The following SPICE1 variants were observed in gnomAD, a reference collection of about 807,000 sequenced individuals.
SPICE1 encodes the protein spindle and centriole associated protein 1.
Under a neutral mutation model 102.7 loss-of-function variants are expected in SPICE1, and 75 were observed. The ratio of observed to expected loss-of-function variants is 0.73; its 90% CI spans 0.61 to 0.88. The LOEUF (loss-of-function observed/expected upper bound fraction) is 0.88. Among genes scored for constraint, SPICE1 ranks in the 40% least tolerant of loss-of-function variants. The pLI is 0.00. For synonymous variants in SPICE1, 308 were observed against 350.3 expected (o/e 0.88, Z 1.35); for missense variants, 979 against 1,020.1 (o/e 0.96, Z 0.55).
intron 10 of SPICE1, among the ~76,000 whole-genome samples, chr3:113,467,657 C>G (rs1936092236): frequency 6.6e-6 from 1 of 152,158 alleles, no homozygotes; most frequent in Non-Finnish European, 1.5e-5. Flanking sequence ...AAACATCTCC[C>G]ACTTAGACAT....
chr3:113,506,714 G>A (rs1255262203), intron 1 of SPICE1, 109 bp from the exon 2 acceptor site: 12 of 797,320 alleles, frequency 1.5e-5, no homozygotes, highest in Non-Finnish European at 1.8e-5. Context: ...AATGCCAGAA[G>A]AAAAATTTAA....
At chr3:113,493,562 G>C (rs1055261246) in intron 5 of SPICE1, among the ~76,000 whole-genome samples, 2 of 152,126 alleles carry the variant, frequency 1.3e-5, no homozygotes, top group African/African-American at 4.8e-5. Flanking sequence ...CAGACATTAA[G>C]TAACTAGCCC....
In SPICE1 at chr3:113,499,588, C is replaced by G; in HGVS notation, c.148-6G>C. The G allele has an allele frequency of 1.9e-6, 3 of 1,593,018 alleles. No homozygotes were observed. Among genetic ancestry groups the G allele is most frequent in the Non-Finnish European group, 2.6e-6 (3 of 1,171,372 alleles). On this transcript the variant is annotated splice_region_variant and splice_polypyrimidine_tract_variant and intron_variant, in intron 3 of 17. Transcript: ENST00000295872. Reference sequence around the variant, plus strand: ...TGTATTTCATGACGGCGTACCTATACAGAAGAGAAAAGTACATAAAGGAAT... The same window carrying G: ...TGTATTTCATGACGGCGTACCTATAGAGAAGAGAAAAGTACATAAAGGAAT...
intron 7 of SPICE1, among the ~76,000 whole-genome samples, chr3:113,488,688 A>G (rs929233909): frequency 1.4e-4 from 22 of 152,230 alleles, no homozygotes; most frequent in African/African-American, 4.6e-4. Flanking sequence ...ATGTGCATGC[A>G]TGCATGTGTG....
intron 1 of SPICE1, among the ~76,000 whole-genome samples, chr3:113,509,734 A>G (rs1021692033): frequency 2.6e-5 from 4 of 152,186 alleles, no homozygotes; most frequent in African/African-American, 9.7e-5. Flanking sequence ...CCCAAATCTC[A>G]TCTCGAATTG....
chr3:113,446,553 C>T lies in SPICE1; in HGVS notation c.2514+36G>A, dbSNP rs756723383. The stretch of plus-strand genomic sequence containing the variant: ...AAATCAGCCACCTTCTACCCTCACC[C>T]CTATATGCATTTCACAATTACATTT... On this transcript the variant is annotated intron_variant, in intron 17 of 17. Transcript: ENST00000295872. The T allele has an allele frequency of 5.4e-6, 8 of 1,480,912 alleles. No homozygotes were observed. In the East Asian group the frequency reaches 1.8e-4, roughly 34 times the overall value. The allele number at this position is 1,480,912 out of a possible 1,614,324, so 91.7% of individuals were successfully genotyped here.
At chr3:113,459,067 T>C (rs1257695338) in intron 12 of SPICE1, among the ~76,000 whole-genome samples, 2 of 152,214 alleles carry the variant, frequency 1.3e-5, no homozygotes, top group Non-Finnish European at 2.9e-5. Context: ...TTTTGTTCTG[T>C]ACTAAGAAAA....
chr3:113,480,087 G>T (rs1207657632), intron 7 of SPICE1, among the ~76,000 whole-genome samples: 1 of 152,014 alleles, frequency 6.6e-6, no homozygotes, highest in Admixed American at 6.6e-5. Context: ...AGAGATTATT[G>T]GCACATCTCT....
At chr3:113,448,936 A>G (rs995006608) in intron 15 of SPICE1, 2 of 152,192 alleles carry the variant, frequency 1.3e-5, no homozygotes, top group African/African-American at 2.4e-5. Context: ...CTTTAGAGAT[A>G]AATCACTGGA....
intron 3 of SPICE1, among the ~76,000 whole-genome samples, chr3:113,501,046 C>CT (rs1936998326): frequency 6.6e-6 from 1 of 152,144 alleles, no homozygotes; most frequent in African/African-American, 2.4e-5. Context: ...CAATGTGGTA[C>CT]TGGCATAAGG....
rs571680551 is a variant in SPICE1 at position 113,510,355 on chromosome 3, T to G, written c.1-3750A>C. Among the ~76,000 whole-genome samples, 345 of 152,320 alleles carry G rather than the reference T, an allele frequency of 2.3e-3. 3 individuals are homozygous for G. The highest frequency in any genetic ancestry group is 7.9e-3 in the African/African-American group (329 of 41,580). ...AAGAACAAAGTTGGAGGCATCATGC[T>G]ACCCTACTTCAAACTATACTACAAG... On this transcript the variant is annotated intron_variant, in intron 1 of 17. Coordinates refer to ENST00000295872, the MANE Select transcript of SPICE1 (RefSeq NM_144718.4).
intron 12 of SPICE1, among the ~76,000 whole-genome samples, chr3:113,458,424 G>A (rs934091416): frequency 1.3e-5 from 2 of 152,222 alleles, no homozygotes; most frequent in African/African-American, 4.8e-5. Context: ...GTGTTGGCCG[G>A]GCTGGTCTCC....
chr3:113,466,052 A>G (rs948588814), intron 10 of SPICE1, among the ~76,000 whole-genome samples: 2 of 152,238 alleles, frequency 1.3e-5, no homozygotes, highest in African/African-American at 2.4e-5. Flanking sequence ...GTAGAGGGAT[A>G]TACATATACA....
At chr3:113,472,451 C>T (rs1576631736) in intron 7 of SPICE1, among the ~76,000 whole-genome samples, 1 of 152,206 alleles carries the variant, frequency 6.6e-6, no homozygotes, top group Non-Finnish European at 1.5e-5. Flanking sequence ...CAGCACGCAG[C>T]TGGAGATCTG....
At chr3:113,474,516 A>G (rs557976462) in intron 7 of SPICE1, among the ~76,000 whole-genome samples, 51 of 152,282 alleles carry the variant, frequency 3.3e-4, no homozygotes, top group African/African-American at 1.2e-3. Context: ...CACCTATTCC[A>G]AAATTGACCA....
chr3:113,468,125 C>T lies in SPICE1; in HGVS notation c.1155+14G>A, dbSNP rs775973208. On this transcript the variant is annotated intron_variant, in intron 10 of 17. Coordinates refer to ENST00000295872, the MANE Select transcript of SPICE1 (RefSeq NM_144718.4). ...CTGCCTGAAAAGAAGACTCTACTAA[C>T]CTAATGTCCTTACCTCTTTAAGGTA... 3 of 1,612,802 alleles carry T rather than the reference C, an allele frequency of 1.9e-6. No individual in the cohort carries two copies. The highest frequency in any genetic ancestry group is 2.5e-6 in the Non-Finnish European group (3 of 1,179,242).
Position 113,460,615 on chromosome 3 carries a change from A to G in SPICE1, c.1435+2T>C. ...AGTCTGAGAGAGTAAGACCACACTCACCTGGACTGTCCATAACTCTTCTAC... is the reference window on the plus strand; with the variant it reads ...AGTCTGAGAGAGTAAGACCACACTCGCCTGGACTGTCCATAACTCTTCTAC... On this transcript the variant is annotated splice_donor_variant, in intron 12 of 17. Coordinates refer to ENST00000295872, the MANE Select transcript of SPICE1 (RefSeq NM_144718.4). LOFTEE classifies it high-confidence loss of function. The G allele has an allele frequency of 6.2e-7, 1 of 1,608,378 alleles. No homozygotes were observed. The highest frequency in any genetic ancestry group is 8.5e-7 in the Non-Finnish European group (1 of 1,177,362).
At chr3:113,506,237 C>T (rs1383542414) in intron 2 of SPICE1, among the ~76,000 whole-genome samples, 3 of 152,160 alleles carry the variant, frequency 2.0e-5, no homozygotes, top group Non-Finnish European at 2.9e-5. Context: ...AGTGAAAAGA[C>T]GTTTTTTAAA....
chr3:113,510,128 A>G (rs947762228), intron 1 of SPICE1, among the ~76,000 whole-genome samples: 9 of 152,218 alleles, frequency 5.9e-5, no homozygotes, highest in Admixed American at 5.9e-4. Flanking sequence ...GACAACAATT[A>G]ACCCTTTTCC....
Sources: gnomAD v4.1 joint callset for allele counts (sites outside exome capture counted in the v4.1 genomes callset) on GRCh38, gnomAD v4.1.1 for gene constraint, MANE v1.5 for transcripts, NCBI Gene and HGNC (gene_info 2026-07-23, HGNC 2026-07-21) for gene names.